ZC3H11A: variants seen among roughly 807,000 people sequenced by gnomAD.
ZC3H11A encodes the protein zinc finger CCCH domain-containing protein 11A.
In ZC3H11A, 22 loss-of-function variants were observed where a neutral mutation model predicts 90.8. The ratio of observed to expected loss-of-function variants is 0.24; its 90% CI spans 0.17 to 0.35. The LOEUF (loss-of-function observed/expected upper bound fraction) is 0.35. Among genes scored for constraint, ZC3H11A ranks in the 10% least tolerant of loss-of-function variants. The pLI, the probability that ZC3H11A is intolerant of heterozygous loss-of-function variation, is 1.00. For synonymous variants in ZC3H11A, 294 were observed against 339.8 expected, an observed-to-expected ratio of 0.87 and a Z score of 1.48; for missense variants, 701 against 964.9, an observed-to-expected ratio of 0.73 and a Z score of 3.62.
chr1:203,832,042 G>A (rs556575969), intron 9 of ZC3H11A, among the ~76,000 whole-genome samples: 1 of 152,166 alleles, frequency 6.6e-6, no homozygotes, highest in Non-Finnish European at 1.5e-5. Flanking sequence ...AAGAATAATA[G>A]GTATATATAA....
chr1:203,830,925 A>ATTTTTTTTTTTTTTTT (rs774771270), intron 8 of ZC3H11A, among the ~76,000 whole-genome samples: 1 of 51,352 alleles, frequency 1.9e-5, no homozygotes, highest in Non-Finnish European at 3.7e-5. Flanking sequence ...CCAACCCCCA[A>ATTTTTTTTTTTTTTTT]TTTTTTTTTT....
chr1:203,841,952 T>C (rs1302954681), intron 12 of ZC3H11A, among the ~76,000 whole-genome samples: 2 of 110,636 alleles, frequency 1.8e-5, no homozygotes, highest in African/African-American at 3.6e-5. Flanking sequence ...CACTCCTCAG[T>C]TCCCAGACGG....
At chr1:203,835,062 C>G (rs1558129903) in intron 10 of ZC3H11A, among the ~76,000 whole-genome samples, 1 of 152,248 alleles carries the variant, frequency 6.6e-6, no homozygotes, top group Admixed American at 6.5e-5. Flanking sequence ...GCAGTTCTCA[C>G]TACCCTATCT....
chr1:203,842,231 T>C (rs1686575863), intron 12 of ZC3H11A, among the ~76,000 whole-genome samples: 1 of 152,022 alleles, frequency 6.6e-6, no homozygotes, highest in Admixed American at 6.6e-5. Flanking sequence ...CTCAGCACTT[T>C]GGGAGGCAAG....
At chr1:203,845,151 C>T (rs1687543126) in intron 12 of ZC3H11A, among the ~76,000 whole-genome samples, 1 of 152,204 alleles carries the variant, frequency 6.6e-6, no homozygotes, top group African/African-American at 2.4e-5. Context: ...TCTGTAAATT[C>T]AGACATCTGC....
intron 1 of ZC3H11A, chr1:203,796,243 A>C (rs529592692): frequency 5.1e-6 from 2 of 394,604 alleles, no homozygotes; most frequent in Non-Finnish European, 8.9e-6. Context: ...GCCTAAATCA[A>C]TCAGACTGAG....
In ZC3H11A at chr1:203,797,411, C is replaced by A. The variant is rs947656118; in HGVS notation, c.-1588+1617C>A. On this transcript the variant is annotated intron_variant, in intron 1 of 17. Coordinates refer to ENST00000367210, the MANE Select transcript of ZC3H11A (RefSeq NM_001376342.1). ...TTATTGGTCCAGTGGGAATTTGATT[C>A]CCCATAGAAACTGGAGAAAAGGTAA... is the stretch of plus-strand genomic sequence containing the variant. 3.2e-5 allele frequency: 34 copies of A among 1,050,408 alleles called. No individual in the cohort carries two copies. In the African/African-American group the frequency reaches 4.7e-4, roughly 15 times the overall value. 65.1% of individuals were successfully genotyped at this position (1,050,408 alleles called of 1,614,324 possible). A position where few individuals can be genotyped will look rare whatever the true frequency, so the allele number is the denominator to read the frequency against.
In ZC3H11A at chr1:203,852,901, G is replaced by C. The variant is rs1558150529; in HGVS notation, c.*502G>C. 6.0e-6 allele frequency: 1 copy of C among 165,526 alleles called. No individual in the cohort carries two copies. Among genetic ancestry groups the C allele is most frequent in the Non-Finnish European group, 1.3e-5 (1 of 75,636 alleles). The allele number at this position is 165,526 out of a possible 1,614,324, so 10.3% of individuals were successfully genotyped here. A position where few individuals can be genotyped will look rare whatever the true frequency, so the allele number is the denominator to read the frequency against. ...GTGTTAAATTGTATGTCTTTTTAAAGGTATTTAAAGATTCAACTAAGCTTT... is the reference window on the plus strand; with the variant it reads ...GTGTTAAATTGTATGTCTTTTTAAACGTATTTAAAGATTCAACTAAGCTTT... On this transcript the variant is annotated 3_prime_UTR_variant, in exon 18 of 18. Coordinates refer to ENST00000367210, the MANE Select transcript of ZC3H11A (RefSeq NM_001376342.1).
chr1:203,838,441 TAGA>T (rs1418881587), intron 11 of ZC3H11A, among the ~76,000 whole-genome samples: 1 of 152,160 alleles, frequency 6.6e-6, no homozygotes, highest in Non-Finnish European at 1.5e-5. Context: ...AGACATGAGT[TAGA>T]AATTAGCCAG....
At chr1:203,840,868 A>T (rs1184987508) in intron 12 of ZC3H11A, among the ~76,000 whole-genome samples, 1 of 152,106 alleles carries the variant, frequency 6.6e-6, no homozygotes, top group African/African-American at 2.4e-5. Flanking sequence ...TCCTGACCTT[A>T]GGTGATCCAC....
chr1:203,831,685 T>G lies in ZC3H11A; in HGVS notation c.725T>G (p.Leu242Arg). 6.2e-7 allele frequency: 1 copy of G among 1,612,816 alleles called. No homozygotes were observed. Among genetic ancestry groups the G allele is most frequent in the Non-Finnish European group, 8.5e-7 (1 of 1,179,428 alleles). ...GAGGGTTCTTCAGGAGTTTCCAGTC[T>G]TTTACTCCACCCTGAGCCCGTTCCA... ...QGEGSSGVSS[L>R]LLHPEPVPGP... Residue 242 changes from leucine (L) to arginine (R), a missense_variant, in exon 9 of 18, where the codon CTT becomes CGT. Leu to Arg is a moderately radical substitution (Grantham distance 102). Coordinates refer to ENST00000367210, the MANE Select transcript of ZC3H11A (RefSeq NM_001376342.1).
rs1172562275 is a variant in ZC3H11A, at chr1:203,797,818, C to T, written c.-1588+2024C>T. On this transcript the variant is annotated intron_variant, in intron 1 of 17. Transcript: ENST00000367210. The stretch of plus-strand genomic sequence containing the variant: ...TCTGGGAGGCCTGTTGCAGATGCCC[C>T]TGCTTTGTTAGCTTCCAATGACCCT... 6 of 1,535,958 alleles carry T rather than the reference C, an allele frequency of 3.9e-6. No individual in the cohort carries two copies. The African/African-American group carries it at 5.5e-5, about 14-fold the overall frequency.
intron 2 of ZC3H11A, among the ~76,000 whole-genome samples, chr1:203,810,498 C>T (rs1364901355): frequency 6.6e-6 from 1 of 150,816 alleles, no homozygotes; most frequent in East Asian, 1.9e-4. Flanking sequence ...CAGCTCACTG[C>T]AACCTGCACC....
chr1:203,852,187 G>C lies in ZC3H11A; in HGVS notation c.2221G>C (p.Glu741Gln), dbSNP rs1435611178. 1.5e-5 allele frequency: 25 copies of C among 1,613,290 alleles called. No individual in the cohort carries two copies. In the East Asian group the frequency reaches 5.6e-4, roughly 36 times the overall value. ...TQSSSDSSPP[E>Q]VSGPSSSQMS... ...GTCCTCTTCAGATTCCTCACCCCCGGAGGTGTCTGGCCCTTCCTCATCCCA... is the reference window on the plus strand; with the variant it reads ...GTCCTCTTCAGATTCCTCACCCCCGCAGGTGTCTGGCCCTTCCTCATCCCA... Residue 741 changes from glutamate to glutamine, a missense_variant, in exon 18 of 18, where the codon GAG (glutamate) becomes CAG (glutamine). By Grantham distance (29) the Glu-to-Gln change is conservative. Transcript: ENST00000367210.
chr1:203,851,950 C>G (rs1263566431), intron 17 of ZC3H11A, among the ~76,000 whole-genome samples, 191 bp from the exon 18 acceptor site: 1 of 81,998 alleles, frequency 1.2e-5, no homozygotes, highest in Non-Finnish European at 2.1e-5. Flanking sequence ...GCCTGGGTGA[C>G]AAAGGGAGAC....
intron 12 of ZC3H11A, among the ~76,000 whole-genome samples, chr1:203,843,673 C>T (rs965982074): frequency 3.9e-5 from 6 of 152,160 alleles, no homozygotes; most frequent in African/African-American, 1.4e-4. Flanking sequence ...ACTTCATTTA[C>T]AAAATTAGGT....
chr1:203,848,205 G>T, intron 13 of ZC3H11A, 126 bp from the exon 14 acceptor site: 1 of 792,424 alleles, frequency 1.3e-6, no homozygotes, highest in East Asian at 2.7e-5. Flanking sequence ...GAGCACAGAT[G>T]GGCTTTATCT....
At chr1:203,819,030 C>T (rs1357693558) in intron 4 of ZC3H11A, among the ~76,000 whole-genome samples, 1 of 150,354 alleles carries the variant, frequency 6.7e-6, no homozygotes, top group African/African-American at 2.4e-5. Flanking sequence ...GATCGCACCA[C>T]TGCACTCCAG....
chr1:203,806,810 G>A (rs991672687), intron 2 of ZC3H11A, among the ~76,000 whole-genome samples: 2 of 141,572 alleles, frequency 1.4e-5, no homozygotes, highest in African/African-American at 5.2e-5. Context: ...TTTGTTGAGT[G>A]GATATTGCAC....
Sources: gnomAD v4.1 joint callset for allele counts (sites outside exome capture counted in the v4.1 genomes callset) on GRCh38, gnomAD v4.1.1 for gene constraint, MANE v1.5 for transcripts, NCBI Gene and HGNC (gene_info 2026-07-23, HGNC 2026-07-21) for gene names.